Variants in LINC00237 observed in about 807,000 individuals in gnomAD.
The protein encoded by LINC00237 is long intergenic non-protein coding RNA 237.
intron 1 of LINC00237, among the ~76,000 whole-genome samples, chr20:21,096,686 A>G (rs1683428209): frequency 2.0e-5 from 3 of 152,180 alleles, no homozygotes; most frequent in Admixed American, 2.0e-4. Flanking sequence ...AGACTGCAAC[A>G]GGGCTCAAAT....
chr20:21,089,945 T>G (rs2030769878), intron 2 of LINC00237: 1 of 152,224 alleles, frequency 6.6e-6, no homozygotes, highest in South Asian at 2.1e-4. Context: ...AGCATATTAT[T>G]TGTAATGAAA....
chr20:21,092,326 C>A (rs1055099005), intron 2 of LINC00237, among the ~76,000 whole-genome samples: 2 of 152,166 alleles, frequency 1.3e-5, no homozygotes, highest in Non-Finnish European at 2.9e-5. Flanking sequence ...ACGATCAAGT[C>A]TCAGTGTGGT....
At chr20:21,104,528 A>G (rs1169089680) in intron 1 of LINC00237, among the ~76,000 whole-genome samples, 1 of 152,216 alleles carries the variant, frequency 6.6e-6, no homozygotes, top group Non-Finnish European at 1.5e-5. Context: ...CAGGACAGAG[A>G]GGTGCGGCCC....
chr20:21,101,844 G>T lies in LINC00237; in HGVS notation n.88+4427C>A, dbSNP rs1195968733. Among the ~76,000 whole-genome samples the T allele has an allele frequency of 1.3e-5, 2 of 152,174 alleles. No individual in the cohort carries two copies. The highest frequency in any genetic ancestry group is 1.3e-4 in the Admixed American group (2 of 15,290). On this transcript the variant is annotated intron_variant and non_coding_transcript_variant, in intron 1 of 3. Transcript: ENST00000691244. The surrounding 1 kb of genome is among the most constrained non-coding windows in gnomAD (Gnocchi z 4.3). Reference sequence around the variant, plus strand: ...AACACAGCCCCCTAGCTGAGTGCAGGGGCCAGAGGCTGGCGGGGGCACGCG... The same window carrying T: ...AACACAGCCCCCTAGCTGAGTGCAGTGGCCAGAGGCTGGCGGGGGCACGCG...
chr20:21,102,491 C>T (rs1469239642), intron 1 of LINC00237, among the ~76,000 whole-genome samples: 3 of 152,170 alleles, frequency 2.0e-5, no homozygotes, highest in African/African-American at 4.8e-5. Context: ...GAGGGCCTTT[C>T]CAGCTCATGC....
chr20:21,086,635 C>CTA (rs757643328), intron 3 of LINC00237, among the ~76,000 whole-genome samples: 1,539 of 68,616 alleles, frequency 0.022, 64 homozygotes, highest in African/African-American at 0.072. Context: ...ATATAGTATA[C>CTA]TATATATAGT....
intron 1 of LINC00237, among the ~76,000 whole-genome samples, chr20:21,099,668 T>C (rs565605406): frequency 6.6e-6 from 1 of 152,162 alleles, no homozygotes; most frequent in Non-Finnish European, 1.5e-5. Context: ...TCTTTTTTTA[T>C]ATATATAAGG....
chr20:21,091,011 G>C (rs2030784717), intron 2 of LINC00237, among the ~76,000 whole-genome samples: 1 of 152,074 alleles, frequency 6.6e-6, no homozygotes, highest in South Asian at 2.1e-4. Context: ...CACTCTTTGG[G>C]AAAGTAGCCA....
At chr20:21,086,783 C>CTA (rs200125451) in intron 3 of LINC00237, among the ~76,000 whole-genome samples, 14,629 of 119,676 alleles carry the variant, frequency 0.12, 1,061 homozygotes, top group East Asian at 0.3. Flanking sequence ...TATACATGTA[C>CTA]TATATATACA....
chr20:21,089,635 G>T (rs2030765731), intron 2 of LINC00237: 1 of 152,156 alleles, frequency 6.6e-6, no homozygotes, highest in Non-Finnish European at 1.5e-5. Flanking sequence ...AAACGCAAAA[G>T]CCTATGTTTG....
At chr20:21,088,338 C>A (rs2030742877) in intron 2 of LINC00237, among the ~76,000 whole-genome samples, 2 of 152,198 alleles carry the variant, frequency 1.3e-5, no homozygotes, top group South Asian at 2.1e-4. Context: ...CTCTGCATTT[C>A]TGTTATTACT....
At chr20:21,102,497 C>T (rs1300732984) in intron 1 of LINC00237, among the ~76,000 whole-genome samples, 1 of 152,170 alleles carries the variant, frequency 6.6e-6, no homozygotes, top group African/African-American at 2.4e-5. Context: ...CTTTCCAGCT[C>T]ATGCCCGGAA....
intron 3 of LINC00237, among the ~76,000 whole-genome samples, chr20:21,086,144 G>T (rs986561466): frequency 2.0e-5 from 3 of 152,136 alleles, no homozygotes; most frequent in Non-Finnish European, 4.4e-5. Context: ...AAACAAATCT[G>T]CCCCTCCTCA....
intron 1 of LINC00237, among the ~76,000 whole-genome samples, chr20:21,098,478 A>G (rs1053369677): frequency 6.6e-6 from 1 of 152,256 alleles, no homozygotes; most frequent in African/African-American, 2.4e-5. Flanking sequence ...CTGGAAAAGT[A>G]ATTCTTCAAT....
exon 2 of LINC00237, chr20:21,093,652 A>G (rs2030820658): frequency 6.6e-6 from 1 of 152,184 alleles, no homozygotes; most frequent in African/African-American, 2.4e-5. Flanking sequence ...TCATGTGCTC[A>G]TTTTTCCCTG....
chr20:21,090,783 C>T (rs975664280), intron 2 of LINC00237, among the ~76,000 whole-genome samples: 2 of 152,172 alleles, frequency 1.3e-5, no homozygotes, highest in African/African-American at 4.8e-5. Context: ...AGGAACACCT[C>T]ATTACACGCC....
chr20:21,101,129 C>A lies in LINC00237; in HGVS notation n.88+5142G>T, dbSNP rs909230733. ...ACTCCGCGGTTCAACAGCTAAAGAGCAATTTGATGGGGCTGGGATGGGGAA... is the reference window on the plus strand; with the variant it reads ...ACTCCGCGGTTCAACAGCTAAAGAGAAATTTGATGGGGCTGGGATGGGGAA... On this transcript the variant is annotated intron_variant and non_coding_transcript_variant, in intron 1 of 3. Transcript: ENST00000691244. This position sits in a 1 kb window ranked among gnomAD's most constrained non-coding sequence, Gnocchi z 4.3. Among the ~76,000 whole-genome samples, 1 of 152,154 alleles carries A rather than the reference C, an allele frequency of 6.6e-6. No homozygotes were observed. Among genetic ancestry groups the A allele is most frequent in the Non-Finnish European group, 1.5e-5 (1 of 68,030 alleles).
intron 1 of LINC00237, among the ~76,000 whole-genome samples, chr20:21,095,572 G>T (rs1027143930): frequency 6.6e-6 from 1 of 152,170 alleles, no homozygotes; most frequent in Non-Finnish European, 1.5e-5. Flanking sequence ...TGGTATTAGG[G>T]AGCCCTAAAT....
chr20:21,088,754 TTCTA>T (rs1474181319), intron 2 of LINC00237, among the ~76,000 whole-genome samples: 2 of 152,168 alleles, frequency 1.3e-5, no homozygotes, highest in African/African-American at 4.8e-5. Context: ...AAATAACAGT[TTCTA>T]TCTGTTTCCC....
Sources: allele counts gnomAD v4.1 joint callset (sites outside exome capture counted in the v4.1 genomes callset), GRCh38; gene constraint gnomAD v4.1.1; non-coding constraint Gnocchi (gnomAD v3.1); transcripts MANE v1.5; gene names NCBI Gene and HGNC (gene_info 2026-07-23, HGNC 2026-07-21).